PPP1R16B: variants seen among roughly 807,000 people sequenced by gnomAD.
PPP1R16B encodes the protein protein phosphatase 1 regulatory subunit 16B, also known as protein phosphatase 1 regulatory inhibitor subunit 16B.
A neutral mutation model predicts 61.7 loss-of-function variants in PPP1R16B; 14 were observed. That is an observed-to-expected ratio of 0.23 (90% CI 0.15 to 0.35). The LOEUF is 0.35. Ranked by LOEUF, PPP1R16B falls within the 10% of genes least tolerant of loss-of-function variation. The probability of loss-of-function intolerance (pLI) is 1.00; values close to 1 mark genes in which losing one functional copy is unlikely to be tolerated. For synonymous variants in PPP1R16B, 266 were observed against 305.3 expected (o/e 0.87, Z 1.34); for missense variants, 547 against 752.5 (o/e 0.73, Z 3.19).
intron 2 of PPP1R16B, among the ~76,000 whole-genome samples, chr20:38,889,236 T>G (rs1486017605): frequency 6.6e-6 from 1 of 152,144 alleles, no homozygotes; most frequent in Non-Finnish European, 1.5e-5. Context: ...GAGAAGGAAG[T>G]GTCTTGACCA....
intron 10 of PPP1R16B, among the ~76,000 whole-genome samples, chr20:38,909,687 T>C (rs2085473706): frequency 6.6e-6 from 1 of 152,202 alleles, no homozygotes; most frequent in Non-Finnish European, 1.5e-5. Context: ...CCCACGTGTC[T>C]CAGAGGGACC....
At chr20:38,906,902 C>T (rs746800449) in intron 7 of PPP1R16B, 77 bp from the exon 8 acceptor site, 4 of 1,234,510 alleles carry the variant, frequency 3.2e-6, no homozygotes, top group Middle Eastern at 2.2e-4. Context: ...TCCTAAGAGG[C>T]CTTGGGCACT....
intron 6 of PPP1R16B, among the ~76,000 whole-genome samples, chr20:38,905,312 G>A (rs74938592): frequency 0.13 from 20,230 of 152,056 alleles, 1,427 homozygotes; most frequent in Middle Eastern, 0.19. Context: ...GACTGGTACT[G>A]GAAGATCCAC....
chr20:38,820,357 G>A (rs1234044189), intron 1 of PPP1R16B, among the ~76,000 whole-genome samples: 1 of 152,098 alleles, frequency 6.6e-6, no homozygotes, highest in Admixed American at 6.5e-5. Context: ...TCAGGAGTTC[G>A]AGACCAGCCT....
intron 10 of PPP1R16B, among the ~76,000 whole-genome samples, chr20:38,912,553 G>C (rs1051806650): frequency 6.7e-6 from 1 of 150,276 alleles, no homozygotes; most frequent in Non-Finnish European, 1.5e-5. Context: ...GTGTGTACCT[G>C]TAGTCTTAGG....
At chr20:38,883,717 T>C (rs2085220575) in intron 2 of PPP1R16B, among the ~76,000 whole-genome samples, 1 of 152,158 alleles carries the variant, frequency 6.6e-6, no homozygotes, top group African/African-American at 2.4e-5. Context: ...TCTTGAGAGG[T>C]GCAAGATGTT....
intron 1 of PPP1R16B, among the ~76,000 whole-genome samples, chr20:38,833,295 A>T (rs1236605965): frequency 6.6e-6 from 1 of 152,236 alleles, no homozygotes; most frequent in African/African-American, 2.4e-5. Flanking sequence ...TTGCCAAGGC[A>T]GGGACAGGAG....
intron 10 of PPP1R16B, among the ~76,000 whole-genome samples, chr20:38,915,183 G>T (rs966945603): frequency 2.6e-5 from 4 of 152,040 alleles, no homozygotes; most frequent in Non-Finnish European, 5.9e-5. Context: ...GTTTACATCG[G>T]GTTTGCTCTT....
intron 2 of PPP1R16B, among the ~76,000 whole-genome samples, chr20:38,865,163 A>T (rs1005235246): frequency 2.6e-5 from 4 of 152,054 alleles, no homozygotes; most frequent in African/African-American, 9.7e-5. Flanking sequence ...AGGGAACTGG[A>T]AGGAGAAATA....
At chr20:38,844,980 C>T (rs964319845) in intron 2 of PPP1R16B, among the ~76,000 whole-genome samples, 1 of 151,876 alleles carries the variant, frequency 6.6e-6, no homozygotes, top group Non-Finnish European at 1.5e-5. Context: ...CACCCCACCC[C>T]ACCCCCTGGG....
chr20:38,900,818 C>A, intron 5 of PPP1R16B, 134 bp downstream of exon 5: 1 of 578,304 alleles, frequency 1.7e-6, no homozygotes, highest in East Asian at 3.4e-5. Flanking sequence ...TAGGATGGGT[C>A]CCCATTCATA....
rs141440626 is a variant in PPP1R16B, at chr20:38,869,221, C to T, written c.251-20374C>T. On this transcript the variant is annotated intron_variant, in intron 2 of 10. Transcript: ENST00000299824. ...TCACCCAGGCTGAATGCGGGTGGCACGATCTTGGCTCACTGCAACCTCCAC... is the reference window on the plus strand; with the variant it reads ...TCACCCAGGCTGAATGCGGGTGGCATGATCTTGGCTCACTGCAACCTCCAC... 1.0e-3 allele frequency among the ~76,000 whole-genome samples: 153 copies of T among 152,010 alleles called. 1 individual carries two copies. Among genetic ancestry groups the T allele is most frequent in the African/African-American group, 3.4e-3 (140 of 41,456 alleles).
intron 10 of PPP1R16B, among the ~76,000 whole-genome samples, chr20:38,915,502 T>C (rs1013510612): frequency 2.0e-5 from 3 of 152,194 alleles, no homozygotes; most frequent in Non-Finnish European, 4.4e-5. Flanking sequence ...TGGTTTTTTT[T>C]TGAGACGGAG....
chr20:38,903,979 C>G (rs546596101), intron 6 of PPP1R16B, among the ~76,000 whole-genome samples: 56 of 152,296 alleles, frequency 3.7e-4, no homozygotes, highest in African/African-American at 1.3e-3. Context: ...CTCGGGATCT[C>G]GAGCTCACTA....
intron 2 of PPP1R16B, among the ~76,000 whole-genome samples, chr20:38,888,450 G>A (rs1161992460): frequency 6.6e-6 from 1 of 152,208 alleles, no homozygotes; most frequent in African/African-American, 2.4e-5. Flanking sequence ...TCTACCTTTG[G>A]GAAGCTGGAT....
chr20:38,813,142 G>A (rs576402763), intron 1 of PPP1R16B, among the ~76,000 whole-genome samples: 2 of 152,322 alleles, frequency 1.3e-5, no homozygotes, highest in South Asian at 2.1e-4. Flanking sequence ...GCTGGCTTGC[G>A]GAGTCACAGA....
chr20:38,875,526 A>C (rs1221026033), intron 2 of PPP1R16B, among the ~76,000 whole-genome samples: 1 of 152,206 alleles, frequency 6.6e-6, no homozygotes, highest in African/African-American at 2.4e-5. Context: ...CAGGAGCCAG[A>C]CTTCTCTGTT....
intron 2 of PPP1R16B, among the ~76,000 whole-genome samples, chr20:38,879,901 G>A (rs538838030): frequency 6.6e-6 from 1 of 152,356 alleles, no homozygotes; most frequent in African/African-American, 2.4e-5. Flanking sequence ...TGCTAGGAGA[G>A]GAACTGGCCT....
rs566216819 is a variant in PPP1R16B, at chr20:38,863,806, G to A, written c.251-25789G>A. 1.4e-3 allele frequency among the ~76,000 whole-genome samples: 218 copies of A among 152,272 alleles called. 1 individual carries two copies. Among genetic ancestry groups the A allele is most frequent in the African/African-American group, 4.9e-3 (204 of 41,554 alleles). ...TGAAGGTTTTCTGTTTAATGAAAAC[G>A]TGCACAAAAGCCCAGCAGCGCTATT... On this transcript the variant is annotated intron_variant, in intron 2 of 10. Transcript: ENST00000299824.
Sources: allele counts gnomAD v4.1 joint callset (sites outside exome capture counted in the v4.1 genomes callset), GRCh38; gene constraint gnomAD v4.1.1; transcripts MANE v1.5; gene names NCBI Gene and HGNC (gene_info 2026-07-23, HGNC 2026-07-21).